HS6ST3: variants seen among roughly 807,000 people sequenced by gnomAD.
HS6ST3 encodes heparan sulfate 6-O-sulfotransferase 3.
In HS6ST3, 12 loss-of-function variants were observed where a neutral mutation model predicts 36.7. That is an observed-to-expected ratio of 0.33 (90% CI 0.21 to 0.53). HS6ST3 has a LOEUF of 0.53. HS6ST3 is among the 20% of genes least tolerant of loss of function. HS6ST3 has a pLI of 0.95. For synonymous variants in HS6ST3, 240 were observed against 257.5 expected (o/e 0.93, Z 0.65); for missense variants, 584 against 640.9 (o/e 0.91, Z 0.96).
chr13:96,653,913 G>C (rs1056955736), intron 1 of HS6ST3, among the ~76,000 whole-genome samples: 1 of 152,200 alleles, frequency 6.6e-6, no homozygotes, highest in Non-Finnish European at 1.5e-5. Context: ...ACTGGCGTGA[G>C]ATGGTATGTC....
At chr13:96,135,565 A>G (rs115845693) in intron 1 of HS6ST3, among the ~76,000 whole-genome samples, 214 of 152,316 alleles carry the variant, frequency 1.4e-3, no homozygotes, top group African/African-American at 4.7e-3. Flanking sequence ...GCAGAACTAG[A>G]TGCAATGGGT....
intron 1 of HS6ST3, among the ~76,000 whole-genome samples, chr13:96,570,309 T>G (rs560967326): frequency 6.6e-6 from 1 of 152,360 alleles, no homozygotes; most frequent in South Asian, 2.1e-4. Context: ...CTTTGCCAAC[T>G]TAATGTTTAA....
chr13:96,279,100 G>A (rs1229027479), intron 1 of HS6ST3, among the ~76,000 whole-genome samples: 2 of 152,138 alleles, frequency 1.3e-5, no homozygotes, highest in African/African-American at 4.8e-5. Context: ...TAAACCATCA[G>A]AGAGTAATTG....
intron 1 of HS6ST3, among the ~76,000 whole-genome samples, chr13:96,119,968 C>T (rs957350440): frequency 1.3e-5 from 2 of 151,756 alleles, no homozygotes; most frequent in African/African-American, 2.4e-5. Flanking sequence ...GAAGTTCTAA[C>T]CCCTAGTACT....
At chr13:96,461,156 T>G (rs1566367542) in intron 1 of HS6ST3, among the ~76,000 whole-genome samples, 2 of 152,226 alleles carry the variant, frequency 1.3e-5, no homozygotes, top group Non-Finnish European at 2.9e-5. Context: ...TTAACCTACA[T>G]ATATTCAAAT....
chr13:96,270,573 TG>T (rs2139388055), intron 1 of HS6ST3, among the ~76,000 whole-genome samples: 1 of 151,828 alleles, frequency 6.6e-6, no homozygotes, highest in Admixed American at 6.6e-5. Flanking sequence ...CTTAGTGTTA[TG>T]AGGATTCATT....
At chr13:96,692,330 A>C (rs2138446041) in intron 1 of HS6ST3, among the ~76,000 whole-genome samples, 1 of 152,284 alleles carries the variant, frequency 6.6e-6, no homozygotes, top group Admixed American at 6.5e-5. Context: ...TACCTAATAC[A>C]GTGTAACACT....
chr13:96,616,562 A>G (rs926325605), intron 1 of HS6ST3, among the ~76,000 whole-genome samples: 3 of 152,184 alleles, frequency 2.0e-5, no homozygotes, highest in Non-Finnish European at 4.4e-5. Flanking sequence ...ACCAGGGCCC[A>G]TAATTTTAGA....
intron 1 of HS6ST3, among the ~76,000 whole-genome samples, chr13:96,791,102 C>T (rs550007440): frequency 2.7e-4 from 41 of 152,022 alleles, no homozygotes; most frequent in East Asian, 7.8e-4. Flanking sequence ...ATTTCTAGGA[C>T]GACATCCTCA....
chr13:96,176,867 A>T (rs1292645117), intron 1 of HS6ST3, among the ~76,000 whole-genome samples: 1 of 152,198 alleles, frequency 6.6e-6, no homozygotes, highest in African/African-American at 2.4e-5. Context: ...TTTGCAAACT[A>T]TCCATCTGAC....
At chr13:96,336,059 T>G (rs2139423608) in intron 1 of HS6ST3, among the ~76,000 whole-genome samples, 1 of 152,266 alleles carries the variant, frequency 6.6e-6, no homozygotes, top group South Asian at 2.1e-4. Flanking sequence ...AAGGTGAGAG[T>G]TTTGACTAAT....
chr13:96,699,664 C>G (rs1475820854), intron 1 of HS6ST3, among the ~76,000 whole-genome samples: 3 of 152,162 alleles, frequency 2.0e-5, no homozygotes, highest in African/African-American at 7.2e-5. Flanking sequence ...ACTAGTTCAA[C>G]CATTGTGGAA....
intron 1 of HS6ST3, among the ~76,000 whole-genome samples, chr13:96,637,098 T>G (rs1436346846): frequency 1.3e-5 from 2 of 152,146 alleles, no homozygotes; most frequent in Non-Finnish European, 2.9e-5. Context: ...TATTATATAT[T>G]ATTTATGCAC....
At chr13:96,357,788 T>C (rs138059988) in intron 1 of HS6ST3, among the ~76,000 whole-genome samples, 59 of 152,250 alleles carry the variant, frequency 3.9e-4, no homozygotes, top group African/African-American at 1.4e-3. Context: ...TCTTAAAGTG[T>C]TGGGATTACA....
rs147376540 is a variant in HS6ST3, at chr13:96,450,881, T to G, written c.707+359312T>G. ...GGGCGGGTATCAAATATGCTGGTGTTAGACAAACACTTGGCTGTGGCTTGT... is the reference window on the plus strand; with the variant it reads ...GGGCGGGTATCAAATATGCTGGTGTGAGACAAACACTTGGCTGTGGCTTGT... On this transcript the variant is annotated intron_variant, in intron 1 of 1. Coordinates refer to ENST00000376705, the MANE Select transcript of HS6ST3 (RefSeq NM_153456.4). Among the ~76,000 whole-genome samples, 112 of 152,284 alleles carry G rather than the reference T, an allele frequency of 7.4e-4. 2 individuals carry two copies. In the East Asian group the frequency reaches 0.02, roughly 27 times the overall value.
intron 1 of HS6ST3, among the ~76,000 whole-genome samples, chr13:96,345,921 C>G (rs997718263): frequency 1.3e-5 from 2 of 152,216 alleles, no homozygotes; most frequent in Non-Finnish European, 2.9e-5. Flanking sequence ...TCAAAGCTGT[C>G]CTGGGCTGCA....
At chr13:96,278,742 A>G (rs769375631) in intron 1 of HS6ST3, among the ~76,000 whole-genome samples, 24 of 152,210 alleles carry the variant, frequency 1.6e-4, no homozygotes, top group Non-Finnish European at 3.4e-4. Context: ...TTAAAAAATA[A>G]CTACAATGAT....
At chr13:96,546,313 C>T (rs528574020) in intron 1 of HS6ST3, among the ~76,000 whole-genome samples, 21 of 149,770 alleles carry the variant, frequency 1.4e-4, no homozygotes, top group Middle Eastern at 3.5e-3. Flanking sequence ...ATTACAGGGG[C>T]GTGTGTGTGT....
At chr13:96,221,773 A>AT (rs2054456740) in intron 1 of HS6ST3, among the ~76,000 whole-genome samples, 1 of 152,202 alleles carries the variant, frequency 6.6e-6, no homozygotes, top group African/African-American at 2.4e-5. Flanking sequence ...AGAGTTTATT[A>AT]GCAGGTTGTA....
Sources: gnomAD v4.1 joint callset for allele counts (sites outside exome capture counted in the v4.1 genomes callset) on GRCh38, gnomAD v4.1.1 for gene constraint, MANE v1.5 for transcripts, NCBI Gene and HGNC (gene_info 2026-07-23, HGNC 2026-07-21) for gene names.